SHMT1: variants seen among roughly 807,000 people sequenced by gnomAD.
SHMT1 encodes the protein serine hydroxymethyltransferase, cytosolic.
A neutral mutation model predicts 49.0 loss-of-function variants in SHMT1; 45 were observed. The ratio of observed to expected loss-of-function variants is 0.92; its 90% CI spans 0.72 to 1.18. SHMT1 has a LOEUF of 1.18. SHMT1 is among the 50% of genes most tolerant of loss of function. The pLI is 0.00. For synonymous variants in SHMT1, 232 were observed against 246.6 expected (o/e 0.94, Z 0.55); for missense variants, 541 against 612.4 (o/e 0.88, Z 1.23).
At chr17:18,356,528 GTT>G (rs771107662) in intron 1 of SHMT1, among the ~76,000 whole-genome samples, 1 of 151,524 alleles carries the variant, frequency 6.6e-6, no homozygotes, top group Non-Finnish European at 1.5e-5. Flanking sequence ...TAGAGATGGA[GTT>G]TTATCACGTT....
chr17:18,348,330 T>C lies in SHMT1; in HGVS notation c.353A>G (p.Tyr118Cys). 1 of 1,606,690 alleles carries C rather than the reference T, an allele frequency of 6.2e-7. No homozygotes were observed. Among genetic ancestry groups the C allele is most frequent in the Non-Finnish European group, 8.5e-7 (1 of 1,173,430 alleles). Residue 118 changes from tyrosine to cysteine, a missense_variant, in exon 4 of 12, where the codon TAC becomes TGC. Coordinates refer to ENST00000316694, the MANE Select transcript of SHMT1 (RefSeq NM_004169.5). The stretch of plus-strand genomic sequence containing the variant: ...CATATGGATGAGACAAGCACCTGAG[T>C]AGGGCTGGACGTTGACCCCCCAGCA... ...PQCWGVNVQP[Y>C]SGSPANFAVY... is the part of the protein sequence containing the mutation.
At chr17:18,357,527 A>G (rs117130754) in intron 1 of SHMT1, among the ~76,000 whole-genome samples, 1,599 of 152,246 alleles carry the variant, frequency 0.011, 21 homozygotes, top group Non-Finnish European at 0.016. Flanking sequence ...ATGTAAGTAC[A>G]GCAAATAGCA....
At chr17:18,359,393 G>C (rs1277734681) in intron 1 of SHMT1, among the ~76,000 whole-genome samples, 2 of 152,054 alleles carry the variant, frequency 1.3e-5, no homozygotes, top group Admixed American at 6.6e-5. Flanking sequence ...TAGAAATTAG[G>C]CTGGGCAAGG....
rs1284593607 is a variant in SHMT1, at chr17:18,340,165, T to C, written c.692A>G (p.His231Arg). The C allele has an allele frequency of 6.2e-7, 1 of 1,614,116 alleles. No homozygotes were observed. Among genetic ancestry groups the C allele is most frequent in the Non-Finnish European group, 8.5e-7 (1 of 1,180,052 alleles). The change falls in exon 7 of 12, where the codon CAC becomes CGC. Residue 231 changes from histidine to arginine, a missense_variant. Transcript: ENST00000316694. This position sits in a 1 kb window ranked among gnomAD's most constrained non-coding sequence, Gnocchi z 4.5. ...GCCAGCCGCCACCAGCCCGCTGATG[T>C]GAGCCATGTCCGCCATGAGATACGC... ...NGAYLMADMA[H>R]ISGLVAAGVV...
chr17:18,348,256 T>C (rs748182608), intron 4 of SHMT1, 69 bp downstream of exon 4: 3 of 1,017,490 alleles, frequency 2.9e-6, no homozygotes, highest in Non-Finnish European at 4.6e-6. Flanking sequence ...AGGACTCTTC[T>C]TGGTGCATGT....
rs1982912906 is a variant in SHMT1 at position 18,329,298 on chromosome 17, A to T, written c.1262T>A (p.Val421Glu). 6.2e-7 allele frequency: 1 copy of T among 1,612,698 alleles called. No individual in the cohort carries two copies. Among genetic ancestry groups the T allele is most frequent in the Admixed American group, 1.7e-5 (1 of 60,002 alleles). Residue 421 changes from valine (V) to glutamate (E), a missense_variant, in exon 11 of 12, where the codon GTA becomes GAA. Physicochemically the swap from Val to Glu is moderately radical, Grantham distance 121 (BLOSUM62 -2). Transcript: ENST00000316694. ...CTTACCTCTGTGAATAAAGTGGGCTACTTTTTGGAAGTCTTTTTCCAAAAG... is the reference window on the plus strand; with the variant it reads ...CTTACCTCTGTGAATAAAGTGGGCTTCTTTTTGGAAGTCTTTTTCCAAAAG... ...RGLLEKDFQKVAHFIHRGIEL... is the reference protein window; with the variant it reads ...RGLLEKDFQKEAHFIHRGIEL...
Position 18,328,904 on chromosome 17 carries a change from A to C in SHMT1, c.1298T>G (p.Leu433Arg). 6.2e-7 allele frequency: 1 copy of C among 1,613,900 alleles called. No individual in the cohort carries two copies. Among genetic ancestry groups the C allele is most frequent in the Non-Finnish European group, 8.5e-7 (1 of 1,179,978 alleles). The change falls in exon 12 of 12, where the codon CTG becomes CGG. Residue 433 changes from leucine (L) to arginine (R), a missense_variant. Transcript: ENST00000316694. ...HFIHRGIELT[L>R]QIQSDTGVRA... ...GACACCAGTGTCGCTCTGGATCTGC[A>C]GGGTCAGCTCTATCCCTGTGCCACA...
intron 3 of SHMT1, among the ~76,000 whole-genome samples, chr17:18,350,365 G>A (rs939472994): frequency 6.6e-6 from 1 of 151,546 alleles, no homozygotes; most frequent in Non-Finnish European, 1.5e-5. Context: ...AAATAAATAG[G>A]CCAGATGTGG....
chr17:18,359,729 C>A (rs1490242906), intron 1 of SHMT1, among the ~76,000 whole-genome samples: 1 of 151,618 alleles, frequency 6.6e-6, no homozygotes, highest in African/African-American at 2.4e-5. Context: ...GGGCAGACCA[C>A]AAGGTCAGGA....
intron 1 of SHMT1, among the ~76,000 whole-genome samples, chr17:18,361,310 A>C (rs111713274): frequency 0.096 from 14,169 of 148,298 alleles, 1,042 homozygotes; most frequent in East Asian, 0.16. Flanking sequence ...AAAAAAAAAA[A>C]AAAAACAAAA....
intron 7 of SHMT1, among the ~76,000 whole-genome samples, chr17:18,338,591 T>C (rs980125814): frequency 2.6e-5 from 4 of 152,236 alleles, no homozygotes; most frequent in African/African-American, 9.6e-5. Flanking sequence ...CAGGCCATGA[T>C]GACGATGGCG....
At chr17:18,335,144 G>A (rs1220318633) in intron 8 of SHMT1, among the ~76,000 whole-genome samples, 6 of 152,218 alleles carry the variant, frequency 3.9e-5, no homozygotes, top group Non-Finnish European at 7.3e-5. Flanking sequence ...AGTCACTGGC[G>A]TGGCACTGGT....
At chr17:18,355,145 G>A (rs1189631842) in intron 2 of SHMT1, among the ~76,000 whole-genome samples, 5 of 148,402 alleles carry the variant, frequency 3.4e-5, no homozygotes, top group East Asian at 2.0e-4. Flanking sequence ...TGAGGTGGGC[G>A]GATCACGAGG....
intron 5 of SHMT1, among the ~76,000 whole-genome samples, chr17:18,346,248 T>G (rs1430930396): frequency 3.9e-5 from 6 of 152,132 alleles, no homozygotes; most frequent in African/African-American, 1.4e-4. Flanking sequence ...AACATGAAAC[T>G]AAGCAGGAAT....
chr17:18,341,732 A>G (rs186747606), intron 5 of SHMT1: 2 of 152,434 alleles, frequency 1.3e-5, no homozygotes, highest in Admixed American at 1.3e-4. Context: ...CCATAAAAGG[A>G]AAATCATACC....
rs891667276 is a variant in SHMT1 at position 18,348,778 on chromosome 17, C to T, written c.243-338G>A. The stretch of plus-strand genomic sequence containing the variant: ...TTGCTTGAGCCCAGGAGTTCGAGAC[C>T]AGCCTGGGCAATACAGCAATATCCC... On this transcript the variant is annotated intron_variant, in intron 3 of 11. Transcript: ENST00000316694. The T allele has an allele frequency of 9.7e-6, 5 of 516,954 alleles. No individual in the cohort carries two copies. The African/African-American group carries it at 9.7e-5, about 10-fold the overall frequency. 32.0% of individuals were successfully genotyped at this position (516,954 alleles called of 1,614,324 possible).
At position 18,348,297 on chromosome 17, in the gene SHMT1, C is replaced by A. The variant is rs149044124; in HGVS notation, c.358+28G>T. Reference sequence around the variant, plus strand: ...CTGGGGGATGCACATGAAGAGGCTGCACCAGGCCATATGGATGAGACAAGC... The same window carrying A: ...CTGGGGGATGCACATGAAGAGGCTGAACCAGGCCATATGGATGAGACAAGC... On this transcript the variant is annotated intron_variant, in intron 4 of 11. Transcript: ENST00000316694. 2.1e-3 allele frequency: 3,053 copies of A among 1,421,622 alleles called. 62 individuals are homozygous for A. The highest frequency in any genetic ancestry group is 3.0e-4 in the Non-Finnish European group (302 of 1,005,638). 88.1% of individuals were successfully genotyped at this position (1,421,622 alleles called of 1,614,324 possible). A position where few individuals can be genotyped will look rare whatever the true frequency, so the allele number is the denominator to read the frequency against.
At chr17:18,362,117 C>T (rs925275123) in intron 1 of SHMT1, among the ~76,000 whole-genome samples, 2 of 152,162 alleles carry the variant, frequency 1.3e-5, no homozygotes, top group African/African-American at 4.8e-5. Context: ...GTGTTCTCTT[C>T]TTTACAGAAG....
At chr17:18,351,557 G>A (rs553675160) in intron 3 of SHMT1, among the ~76,000 whole-genome samples, 1 of 150,796 alleles carries the variant, frequency 6.6e-6, no homozygotes, top group Admixed American at 6.6e-5. Flanking sequence ...AGGAGATCGA[G>A]ACCAGCCTGG....
Sources: gnomAD v4.1 joint callset for allele counts (sites outside exome capture counted in the v4.1 genomes callset) on GRCh38, gnomAD v4.1.1 for gene constraint, Gnocchi (gnomAD v3.1) non-coding constraint, MANE v1.5 for transcripts, NCBI Gene and HGNC (gene_info 2026-07-23, HGNC 2026-07-21) for gene names.